Variants in SCAPER observed in about 807,000 individuals in gnomAD.
SCAPER encodes S phase cyclin A-associated protein in the endoplasmic reticulum.
In SCAPER, 98 loss-of-function variants were observed where a neutral mutation model predicts 182.2. The ratio of observed to expected loss-of-function variants is 0.54; its 90% confidence interval spans 0.46 to 0.64. SCAPER has a LOEUF of 0.64. Ranked by LOEUF, SCAPER falls within the 30% of genes least tolerant of loss-of-function variation. The pLI is 0.00. For missense variants in SCAPER, 1,432 were observed against 1,690.0 expected (o/e 0.85, Z 2.68); for synonymous variants, 605 against 564.6 (o/e 1.07, Z -1.01).
intron 5 of SCAPER, among the ~76,000 whole-genome samples, chr15:76,810,550 ACC>A (rs1491544426): frequency 0.058 from 6,253 of 107,830 alleles, 296 homozygotes; most frequent in African/African-American, 0.18. Flanking sequence ...AAAAAAAAAA[ACC>A]ACACACACAC....
At chr15:76,398,441 C>A (rs1254146690) in intron 27 of SCAPER, among the ~76,000 whole-genome samples, 1 of 152,238 alleles carries the variant, frequency 6.6e-6, no homozygotes, top group Non-Finnish European at 1.5e-5. Flanking sequence ...TTACTGCTTT[C>A]TCCCAATCCT....
chr15:76,794,724 G>A (rs749137137), intron 8 of SCAPER, among the ~76,000 whole-genome samples: 2 of 151,864 alleles, frequency 1.3e-5, no homozygotes, highest in Non-Finnish European at 2.9e-5. Flanking sequence ...AAATCCACTT[G>A]GGACTTCTAC....
chr15:76,889,662 T>C (rs1358829927), intron 1 of SCAPER, among the ~76,000 whole-genome samples: 1 of 152,088 alleles, frequency 6.6e-6, no homozygotes, highest in African/African-American at 2.4e-5. Context: ...GACACCCAGA[T>C]TCATAAAGCA....
chr15:76,434,042 CAA>C, intron 26 of SCAPER, 34 bp downstream of exon 26: 1 of 1,542,048 alleles, frequency 6.5e-7, no homozygotes, highest in Non-Finnish European at 8.9e-7. Context: ...AGTTTCTTAA[CAA>C]AGAACAAAGT....
intron 15 of SCAPER, among the ~76,000 whole-genome samples, chr15:76,743,367 G>C (rs1238989975): frequency 6.6e-6 from 1 of 152,120 alleles, no homozygotes; most frequent in African/African-American, 2.4e-5. Flanking sequence ...ACATTAGCAA[G>C]AATTTTAGTA....
chr15:76,510,430 C>A (rs1388824819), intron 23 of SCAPER, among the ~76,000 whole-genome samples: 1 of 152,068 alleles, frequency 6.6e-6, no homozygotes, highest in East Asian at 1.9e-4. Context: ...AAAACATAGG[C>A]TGAGGATATG....
rs182108293 is a variant in SCAPER at position 76,888,695 on chromosome 15, G to A, written c.-59-4819C>T. 5.1e-4 allele frequency among the ~76,000 whole-genome samples: 77 copies of A among 152,278 alleles called. 1 individual carries two copies. Among genetic ancestry groups the A allele is most frequent in the Admixed American group, 4.0e-3 (61 of 15,286 alleles). Reference sequence around the variant, plus strand: ...CACTATGTGAAAAGACCAAATCTACGTCTGACTGGTGTACCTGAAACTGAT... The same window carrying A: ...CACTATGTGAAAAGACCAAATCTACATCTGACTGGTGTACCTGAAACTGAT... On this transcript the variant is annotated intron_variant, in intron 1 of 31. Coordinates refer to ENST00000563290, the MANE Select transcript of SCAPER (RefSeq NM_020843.4).
intron 20 of SCAPER, among the ~76,000 whole-genome samples, chr15:76,699,124 A>G (rs2147228114): frequency 6.6e-6 from 1 of 152,214 alleles, no homozygotes; most frequent in East Asian, 1.9e-4. Context: ...TGTGTCCTGA[A>G]ACTTCACTGA....
chr15:76,539,760 T>A (rs967232322), intron 23 of SCAPER, among the ~76,000 whole-genome samples: 1 of 152,124 alleles, frequency 6.6e-6, no homozygotes, highest in Non-Finnish European at 1.5e-5. Flanking sequence ...TTAGCCAGGA[T>A]GGTCTCGATC....
At chr15:76,737,020 A>C (rs747097968) in intron 15 of SCAPER, 5 of 152,340 alleles carry the variant, frequency 3.3e-5, no homozygotes, top group Non-Finnish European at 4.4e-5. Context: ...ACCACCAAAA[A>C]TCATCTGTGA....
chr15:76,412,706 T>C (rs1248288719), intron 26 of SCAPER, among the ~76,000 whole-genome samples: 1 of 152,194 alleles, frequency 6.6e-6, no homozygotes, highest in East Asian at 1.9e-4. Context: ...TTTTCAAAAT[T>C]GTTTTGGCTG....
intron 8 of SCAPER, among the ~76,000 whole-genome samples, chr15:76,782,599 C>T (rs1214390331): frequency 6.6e-6 from 1 of 152,146 alleles, no homozygotes; most frequent in Non-Finnish European, 1.5e-5. Context: ...CACCACATAG[C>T]ACTTATTCTA....
intron 22 of SCAPER, among the ~76,000 whole-genome samples, chr15:76,613,321 A>G (rs2051164789): frequency 6.6e-6 from 1 of 152,230 alleles, no homozygotes; most frequent in African/African-American, 2.4e-5. Flanking sequence ...TAAAAACCCT[A>G]GAAGACAACC....
At chr15:76,843,943 T>C (rs2069755332) in intron 4 of SCAPER, among the ~76,000 whole-genome samples, 1 of 152,190 alleles carries the variant, frequency 6.6e-6, no homozygotes, top group Non-Finnish European at 1.5e-5. Flanking sequence ...GTGCCAAGCA[T>C]TGCACCAAGT....
At chr15:76,472,432 G>C in intron 24 of SCAPER, 1 of 583,582 alleles carries the variant, frequency 1.7e-6, no homozygotes, top group Non-Finnish European at 3.1e-6. Flanking sequence ...CTATTTTTAC[G>C]AAGTTTTATA....
intron 1 of SCAPER, among the ~76,000 whole-genome samples, chr15:76,896,133 G>A (rs2074422988): frequency 6.6e-6 from 1 of 152,040 alleles, no homozygotes; most frequent in African/African-American, 2.4e-5. Flanking sequence ...ACTTTGGGAG[G>A]CCAAGGCAGG....
At chr15:76,510,932 T>C (rs2041981361) in intron 23 of SCAPER, among the ~76,000 whole-genome samples, 1 of 152,136 alleles carries the variant, frequency 6.6e-6, no homozygotes, top group Admixed American at 6.5e-5. Flanking sequence ...TTAAAAGGAA[T>C]GAATTAATGC....
At chr15:76,767,309 TA>T (rs1331267737) in intron 10 of SCAPER, among the ~76,000 whole-genome samples, 3 of 152,264 alleles carry the variant, frequency 2.0e-5, no homozygotes, top group Admixed American at 2.0e-4. Context: ...AATGGAACAA[TA>T]ATCAATGACT....
At chr15:76,564,479 G>A (rs1000536713) in intron 23 of SCAPER, among the ~76,000 whole-genome samples, 16 of 151,912 alleles carry the variant, frequency 1.1e-4, no homozygotes, top group African/African-American at 3.4e-4. Flanking sequence ...TCTCTATAAG[G>A]AGAACTACAA....
Sources: allele counts gnomAD v4.1 joint callset (sites outside exome capture counted in the v4.1 genomes callset), GRCh38; gene constraint gnomAD v4.1.1; transcripts MANE v1.5; gene names NCBI Gene and HGNC (gene_info 2026-07-23, HGNC 2026-07-21).